The following YY1AP1 variants were observed in gnomAD, a reference collection of about 807,000 sequenced individuals.
YY1AP1 encodes YY1 associated protein 1.
YY1AP1 carries 43 observed loss-of-function variants against 39.9 expected under a neutral mutation model. The ratio of observed to expected loss-of-function variants is 1.08; its 90% CI spans 0.84 to 1.39. The LOEUF (loss-of-function observed/expected upper bound fraction) is 1.39, where lower values mean the gene tolerates loss of function less well. YY1AP1 is among the 40% of genes most tolerant of loss of function. The pLI, the probability that YY1AP1 is intolerant of heterozygous loss-of-function variation, is 0.00. For missense variants in YY1AP1, 813 were observed against 900.7 expected (o/e 0.90, Z 1.25); for synonymous variants, 292 against 331.3 (o/e 0.88, Z 1.29).
chr1:155,676,829 C>T lies in YY1AP1; in HGVS notation c.126-83G>A, dbSNP rs934914336. ...ATTCTTTGCAATGATGAGCAAAGAG[C>T]CTGAACAATTTTCATTCCCTACTAA... On this transcript the variant is annotated intron_variant, in intron 4 of 10. Transcript: ENST00000355499. The T allele has an allele frequency of 1.6e-5, 22 of 1,387,824 alleles. No individual in the cohort carries two copies. In the South Asian group the frequency reaches 2.3e-4, roughly 14 times the overall value. The allele number at this position is 1,387,824 out of a possible 1,614,324, so 86.0% of individuals were successfully genotyped here.
chr1:155,676,209 G>A (rs1032260756), intron 5 of YY1AP1, among the ~76,000 whole-genome samples: 5 of 151,178 alleles, frequency 3.3e-5, no homozygotes, highest in African/African-American at 9.7e-5. Flanking sequence ...GTGACAGAGC[G>A]AGACTACGTC....
intron 9 of YY1AP1, among the ~76,000 whole-genome samples, chr1:155,666,712 G>A (rs1008586994): frequency 6.7e-6 from 1 of 150,094 alleles, no homozygotes; most frequent in Non-Finnish European, 1.5e-5. Context: ...AAAAAAAAAA[G>A]TTTTTTGCCA....
chr1:155,677,716 G>A lies in YY1AP1; in HGVS notation c.126-970C>T, dbSNP rs370593529. Among the ~76,000 whole-genome samples the A allele has an allele frequency of 5.3e-5, 8 of 152,254 alleles. No individual in the cohort carries two copies. In the East Asian group the frequency reaches 1.5e-3, roughly 29 times the overall value. On this transcript the variant is annotated intron_variant, in intron 4 of 10. Transcript: ENST00000355499. ...CAGAGTAAAAACCTGAAGACCGTGG[G>A]ACTGTCTATACAATCTTTACTGAGA...
At chr1:155,677,503 T>C (rs1650875433) in intron 4 of YY1AP1, among the ~76,000 whole-genome samples, 1 of 152,198 alleles carries the variant, frequency 6.6e-6, no homozygotes, top group Admixed American at 6.5e-5. Flanking sequence ...TGATTAAGCA[T>C]ATGCTGATAC....
rs573125061 is a variant in YY1AP1 at position 155,665,370 on chromosome 1, C to T, written c.879+3257G>A. On this transcript the variant is annotated intron_variant, in intron 9 of 10. Coordinates refer to ENST00000355499, the MANE Select transcript of YY1AP1 (RefSeq NM_139119.3). ...ATCCCAGCACTTTGGGAGACCGAAA[C>T]GGGTGGATCAAGAGGTCAGGAGATC... Among the ~76,000 whole-genome samples, 9 of 151,396 alleles carry T rather than the reference C, an allele frequency of 5.9e-5. No individual in the cohort carries two copies. In the East Asian group the frequency reaches 1.6e-3, roughly 27 times the overall value.
intron 4 of YY1AP1, 128 bp from the exon 5 acceptor site, chr1:155,676,874 C>T: frequency 2.1e-6 from 2 of 930,240 alleles, no homozygotes; most frequent in East Asian, 5.2e-5. Flanking sequence ...TTCACTTTAG[C>T]CAACAGTCAA....
At chr1:155,686,765 C>T (rs649971) in intron 2 of YY1AP1, among the ~76,000 whole-genome samples, 35 of 152,270 alleles carry the variant, frequency 2.3e-4, no homozygotes, top group East Asian at 7.7e-4. Flanking sequence ...AATAATATAG[C>T]CATGGATATG....
At chr1:155,676,163 A>C (rs559658871) in intron 5 of YY1AP1, among the ~76,000 whole-genome samples, 29 of 152,014 alleles carry the variant, frequency 1.9e-4, no homozygotes, top group African/African-American at 7.0e-4. Flanking sequence ...CAGAGCTTGC[A>C]GTGAGCTGAG....
intron 5 of YY1AP1, 29 bp from the exon 6 acceptor site, chr1:155,675,125 A>G: frequency 6.3e-7 from 1 of 1,584,450 alleles, no homozygotes; most frequent in Non-Finnish European, 8.7e-7. Flanking sequence ...TAATGCAGTG[A>G]TATGTTATGA....
Position 155,688,709 on chromosome 1 carries a change from C to G in YY1AP1, c.-202G>C, listed in dbSNP as rs992737707. The G allele has an allele frequency of 1.4e-4, 212 of 1,522,432 alleles. No homozygotes were observed. Among genetic ancestry groups the G allele is most frequent in the Admixed American group, 2.8e-4 (13 of 47,126 alleles). 94.3% of individuals were successfully genotyped at this position (1,522,432 alleles called of 1,614,324 possible). A position where few individuals can be genotyped will look rare whatever the true frequency, so the allele number is the denominator to read the frequency against. ...CTCCACCTCCTCTTCTCTCCTCCCC[C>G]TCCCTCCCCGCCCGCACGGCCACCA... On this transcript the variant is annotated 5_prime_UTR_variant, in exon 1 of 11. Transcript: ENST00000355499.
upstream of YY1AP1, chr1:155,688,859 G>C (rs1653194269): frequency 1.6e-5 from 25 of 1,601,460 alleles, no homozygotes; most frequent in Non-Finnish European, 2.0e-5. Context: ...GGAAGGGACC[G>C]GCAAAGCGAG....
rs1019946404 is a variant in YY1AP1, at chr1:155,660,622, C to T, written c.1288G>A (p.Gly430Arg). 1.2e-6 allele frequency: 2 copies of T among 1,614,128 alleles called. No individual in the cohort carries two copies. The highest frequency in any genetic ancestry group is 1.7e-6 in the Non-Finnish European group (2 of 1,180,012). Residue 430 changes from glycine (G) to arginine (R), a missense_variant, in exon 11 of 11, where the codon GGG becomes AGG. Transcript: ENST00000355499. The stretch of plus-strand genomic sequence containing the variant: ...TGAGTTGATTGGGCTGGTGTTTTCC[C>T]AGGGTTGAAGCTGGGCTGGAGAGAG... ...SPSLQPSFNP[G>R]KTPAQSTHSE...
At position 155,676,657 on chromosome 1, in the gene YY1AP1, G is replaced by T; in HGVS notation, c.215C>A (p.Ala72Asp). The T allele has an allele frequency of 6.2e-7, 1 of 1,614,092 alleles. No homozygotes were observed. Among genetic ancestry groups the T allele is most frequent in the Non-Finnish European group, 8.5e-7 (1 of 1,180,014 alleles). ...FEQLKMKKPS[A>D]KQQKEVEKVK... ...CTTCTCTACCTCCTTCTGCTGTTTG[G>T]CTGAAGGTTTCTTCATCTTCAGCTG... Residue 72 changes from alanine to aspartate, a missense_variant, in exon 5 of 11, where the codon GCC becomes GAC. Ala to Asp is a moderately radical substitution (Grantham distance 126, BLOSUM62 -2). Transcript: ENST00000355499.
chr1:155,672,206 A>C, intron 7 of YY1AP1: 1 of 350,508 alleles, frequency 2.9e-6, no homozygotes, highest in Non-Finnish European at 5.5e-6. Flanking sequence ...ACATGACCGA[A>C]CTTTACCACC....
chr1:155,667,943 G>C (rs28441159), intron 9 of YY1AP1, among the ~76,000 whole-genome samples: 4 of 147,980 alleles, frequency 2.7e-5, no homozygotes, highest in African/African-American at 7.7e-5. Context: ...TACAGACACA[G>C]ACACACACAA....
chr1:155,688,722 C>G lies in YY1AP1; in HGVS notation c.-215G>C. ...TCTCTCCTCCCCCTCCCTCCCCGCC[C>G]GCACGGCCACCAACCGCCGCCAAAG... On this transcript the variant is annotated 5_prime_UTR_variant, in exon 1 of 11. Transcript: ENST00000355499. 5 of 1,519,408 alleles carry G rather than the reference C, an allele frequency of 3.3e-6. No homozygotes were observed. The highest frequency in any genetic ancestry group is 4.4e-6 in the Non-Finnish European group (5 of 1,140,454). The allele number at this position is 1,519,408 out of a possible 1,614,324, so 94.1% of individuals were successfully genotyped here.
chr1:155,677,746 A>G (rs1650923969), intron 4 of YY1AP1, among the ~76,000 whole-genome samples: 1 of 152,246 alleles, frequency 6.6e-6, no homozygotes, highest in Admixed American at 6.5e-5. Context: ...CTGAGAACTG[A>G]AAATTTGAAC....
Position 155,684,774 on chromosome 1 carries a change from C to T in YY1AP1, c.-21+3297G>A, listed in dbSNP as rs368591257. ...CTAATTTTTTGTATTTTAGTAGAGA[C>T]GGGGTTTCACCGTGTTGCCCAGGCT... is the stretch of plus-strand genomic sequence containing the variant. On this transcript the variant is annotated intron_variant, in intron 2 of 10. Transcript: ENST00000355499. Among the ~76,000 whole-genome samples, 7 of 152,162 alleles carry T rather than the reference C, an allele frequency of 4.6e-5. No homozygotes were observed. In the Middle Eastern group the frequency reaches 0.014, roughly 296 times the overall value.
intron 8 of YY1AP1, 54 bp from the exon 9 acceptor site, chr1:155,668,831 G>A: frequency 6.2e-7 from 1 of 1,612,442 alleles, no homozygotes; most frequent in Non-Finnish European, 8.5e-7. Flanking sequence ...CCTTCTAAAG[G>A]GCCTCCCCAG....
Sources: gnomAD v4.1 joint callset for allele counts (sites outside exome capture counted in the v4.1 genomes callset) on GRCh38, gnomAD v4.1.1 for gene constraint, MANE v1.5 for transcripts, NCBI Gene and HGNC (gene_info 2026-07-23, HGNC 2026-07-21) for gene names.